HOOK3: variants seen among roughly 807,000 people sequenced by gnomAD.
The protein encoded by HOOK3 is protein Hook homolog 3.
A neutral mutation model predicts 116.3 loss-of-function variants in HOOK3; 24 were observed. That is an observed-to-expected ratio of 0.21 (90% CI 0.15 to 0.29). The LOEUF (loss-of-function observed/expected upper bound fraction) is 0.29, where lower values mean the gene tolerates loss of function less well. Among genes scored for constraint, HOOK3 ranks in the 10% least tolerant of loss-of-function variants. HOOK3 has a pLI of 1.00. For synonymous variants in HOOK3, 275 were observed against 283.0 expected (o/e 0.97, Z 0.28); for missense variants, 632 against 830.2 (o/e 0.76, Z 2.93).
At chr8:43,011,449 A>ATGTGTGTG (rs147559520) in intron 19 of HOOK3, among the ~76,000 whole-genome samples, 3 of 150,248 alleles carry the variant, frequency 2.0e-5, no homozygotes, top group Admixed American at 6.6e-5. Flanking sequence ...AAGTAACAGC[A>ATGTGTGTG]TGTGTGTGTG....
At chr8:42,999,252 C>A (rs1275289989) in intron 16 of HOOK3, among the ~76,000 whole-genome samples, 1 of 152,262 alleles carries the variant, frequency 6.6e-6, no homozygotes, top group Non-Finnish European at 1.5e-5. Flanking sequence ...ATGCTGTGGG[C>A]CATTACTTTA....
chr8:43,018,999 G>A lies in HOOK3; in HGVS notation c.*501G>A, dbSNP rs1809770613. 1 of 209,132 alleles carries A rather than the reference G, an allele frequency of 4.8e-6. No individual in the cohort carries two copies. The highest frequency in any genetic ancestry group is 9.7e-6 in the Non-Finnish European group (1 of 102,794). The allele number at this position is 209,132 out of a possible 1,614,324, so 13.0% of individuals were successfully genotyped here. On this transcript the variant is annotated 3_prime_UTR_variant, in exon 22 of 22. Coordinates refer to ENST00000307602, the MANE Select transcript of HOOK3 (RefSeq NM_032410.4). ...ATTTACTATACAAAATGGTTGACAA[G>A]TGTTCTTTTTGCAAAGACTTGAATA... is the stretch of plus-strand genomic sequence containing the variant.
Position 42,973,286 on chromosome 8 carries a change from C to T in HOOK3, c.1123-3C>T, listed in dbSNP as rs757809513. On this transcript the variant is annotated splice_polypyrimidine_tract_variant and splice_region_variant and intron_variant, in intron 11 of 21. Transcript: ENST00000307602. ...TATAAGTAATGGTATCTTTCTGTAT[C>T]AGGTAGTAGAACTACAAAACAGATT... is the stretch of plus-strand genomic sequence containing the variant. 5.0e-6 allele frequency: 8 copies of T among 1,601,892 alleles called. No individual in the cohort carries two copies. Among genetic ancestry groups the T allele is most frequent in the African/African-American group, 1.4e-5 (1 of 74,036 alleles).
At chr8:42,940,370 C>T (rs1457957550) in intron 4 of HOOK3, among the ~76,000 whole-genome samples, 1 of 152,172 alleles carries the variant, frequency 6.6e-6, no homozygotes. Flanking sequence ...CAATCGCAGG[C>T]ACTCGGCAGG....
intron 1 of HOOK3, among the ~76,000 whole-genome samples, chr8:42,904,640 A>G (rs935622067): frequency 6.6e-6 from 1 of 152,168 alleles, no homozygotes; most frequent in East Asian, 1.9e-4. Flanking sequence ...TGCAAACCTC[A>G]TGGCTCACTC....
Position 42,972,888 on chromosome 8 carries a change from A to G in HOOK3, c.1123-401A>G, listed in dbSNP as rs538887741. On this transcript the variant is annotated intron_variant, in intron 11 of 21. Coordinates refer to ENST00000307602, the MANE Select transcript of HOOK3 (RefSeq NM_032410.4). ...GTTGACACCTCATGGTACCCAGAGCATCTGCATGAACTTCTCATTCTGGTT... is the reference window on the plus strand; with the variant it reads ...GTTGACACCTCATGGTACCCAGAGCGTCTGCATGAACTTCTCATTCTGGTT... 9.8e-5 allele frequency among the ~76,000 whole-genome samples: 15 copies of G among 152,314 alleles called. No homozygotes were observed. The East Asian group carries it at 2.7e-3, about 27-fold the overall frequency.
At chr8:42,942,075 A>G (rs904929746) in intron 4 of HOOK3, among the ~76,000 whole-genome samples, 5 of 152,134 alleles carry the variant, frequency 3.3e-5, no homozygotes, top group Non-Finnish European at 4.4e-5. Context: ...CCTGACCAAC[A>G]TGGTGAAATC....
At chr8:42,973,738 A>G (rs1159068979) in intron 12 of HOOK3, among the ~76,000 whole-genome samples, 4 of 152,180 alleles carry the variant, frequency 2.6e-5, no homozygotes, top group East Asian at 1.9e-4. Context: ...TGTTCAGCAT[A>G]TTTCAAATCT....
At chr8:42,980,555 T>C (rs1439337808) in intron 13 of HOOK3, among the ~76,000 whole-genome samples, 1 of 152,028 alleles carries the variant, frequency 6.6e-6, no homozygotes, top group African/African-American at 2.4e-5. Context: ...AATATGTTAA[T>C]GGAGTAATGG....
At chr8:42,973,972 T>C (rs1235641254) in intron 12 of HOOK3, 135 bp from the exon 13 acceptor site, 1 of 692,900 alleles carries the variant, frequency 1.4e-6, no homozygotes, top group Non-Finnish European at 2.6e-6. Flanking sequence ...TTCTATGATC[T>C]TTCCATAGAA....
intron 18 of HOOK3, 128 bp downstream of exon 18, chr8:43,008,057 C>T (rs776389046): frequency 1.6e-4 from 62 of 377,584 alleles, no homozygotes; most frequent in Middle Eastern, 7.9e-4. Context: ...GTCTCACTCT[C>T]ACCCAGGCTG....
chr8:42,943,251 G>GTT (rs373167898), intron 4 of HOOK3, 62 bp from the exon 5 acceptor site: 5,725 of 856,338 alleles, frequency 6.7e-3, no homozygotes, highest in Non-Finnish European at 7.3e-3. Context: ...CCTCGATCAA[G>GTT]TTTTTTTTTT....
intron 2 of HOOK3, among the ~76,000 whole-genome samples, chr8:42,912,107 A>G (rs746552313): frequency 6.6e-6 from 1 of 152,220 alleles, no homozygotes; most frequent in Admixed American, 6.5e-5. Flanking sequence ...CAGAGCAGCC[A>G]GAGGGGTAGG....
At chr8:42,924,331 T>C (rs1198709588) in intron 2 of HOOK3, among the ~76,000 whole-genome samples, 1 of 141,100 alleles carries the variant, frequency 7.1e-6, no homozygotes, top group African/African-American at 2.5e-5. Flanking sequence ...CTCCCTCCCT[T>C]CCTCCCTTCC....
chr8:42,983,176 T>A (rs1447511201), intron 14 of HOOK3, among the ~76,000 whole-genome samples: 1 of 151,642 alleles, frequency 6.6e-6, no homozygotes, highest in African/African-American at 2.4e-5. Flanking sequence ...CTACAAAAAA[T>A]ACAAAAAATT....
intron 21 of HOOK3, among the ~76,000 whole-genome samples, chr8:43,014,859 C>T (rs1181973167): frequency 6.6e-6 from 1 of 152,016 alleles, no homozygotes; most frequent in Non-Finnish European, 1.5e-5. Context: ...AACTGTGTAA[C>T]GATGGCTCGG....
Position 43,019,008 on chromosome 8 carries a change from T to G in HOOK3, c.*510T>G. The G allele has an allele frequency of 4.8e-6, 1 of 208,272 alleles. No individual in the cohort carries two copies. The highest frequency in any genetic ancestry group is 9.8e-6 in the Non-Finnish European group (1 of 102,096). 12.9% of individuals were successfully genotyped at this position (208,272 alleles called of 1,614,324 possible). A position where few individuals can be genotyped will look rare whatever the true frequency, so the allele number is the denominator to read the frequency against. On this transcript the variant is annotated 3_prime_UTR_variant, in exon 22 of 22. Transcript: ENST00000307602. ...ACAAAATGGTTGACAAGTGTTCTTT[T>G]TGCAAAGACTTGAATACATTGGCAG...
chr8:42,958,245 C>T (rs758175119), intron 7 of HOOK3, among the ~76,000 whole-genome samples: 1 of 152,158 alleles, frequency 6.6e-6, no homozygotes, highest in Non-Finnish European at 1.5e-5. Flanking sequence ...TGACTTCTTT[C>T]ACTTCCTTCT....
chr8:42,934,993 T>G (rs1807938818), intron 4 of HOOK3, among the ~76,000 whole-genome samples: 1 of 152,220 alleles, frequency 6.6e-6, no homozygotes, highest in Admixed American at 6.5e-5. Flanking sequence ...GTTGAACTAA[T>G]TTACAGTCCC....
Sources: allele counts gnomAD v4.1 joint callset (sites outside exome capture counted in the v4.1 genomes callset), GRCh38; gene constraint gnomAD v4.1.1; transcripts MANE v1.5; gene names NCBI Gene and HGNC (gene_info 2026-07-23, HGNC 2026-07-21).